CHFR: variants seen among roughly 807,000 people sequenced by gnomAD.
CHFR encodes the protein E3 ubiquitin-protein ligase CHFR.
A neutral mutation model predicts 87.6 loss-of-function variants in CHFR; 57 were observed. The observed-to-expected ratio is 0.65, with a 90% confidence interval of 0.53 to 0.81. The LOEUF (loss-of-function observed/expected upper bound fraction) is 0.81. Ranked by LOEUF, CHFR falls within the 30% of genes least tolerant of loss-of-function variation. CHFR has a pLI of 0.00. For missense variants in CHFR, 797 were observed against 865.8 expected, an observed-to-expected ratio of 0.92 and a Z score of 1.00; for synonymous variants, 381 against 359.2, an observed-to-expected ratio of 1.06 and a Z score of -0.69.
chr12:132,862,464 C>T (rs766434355), intron 6 of CHFR: 1 of 448,214 alleles, frequency 2.2e-6, no homozygotes, highest in Non-Finnish European at 4.5e-6. Flanking sequence ...ATTAACTAGG[C>T]GTGACAGTAC....
chr12:132,877,649 C>A lies in CHFR; in HGVS notation c.139G>T (p.Asp47Tyr), dbSNP rs1016169013. The A allele has an allele frequency of 6.2e-7, 1 of 1,610,582 alleles. No homozygotes were observed. The highest frequency in any genetic ancestry group is 1.3e-5 in the African/African-American group (1 of 74,826). ...EWTIGRRRGC[D>Y]LSFPSNKLVS... ...AGTTTATTGCTGGGGAAGGAAAGGT[C>A]GCAACCTAAAAAAGAGAGGGTGGGT... The change falls in exon 3 of 18, where the codon GAC (aspartate) becomes TAC (tyrosine). Residue 47 changes from aspartate to tyrosine, a missense_variant. Asp to Tyr is a radical substitution (Grantham distance 160, BLOSUM62 -3). This residue lies in a region of CHFR where 597 missense variants were observed against 601.2 expected (regional missense o/e 0.99). Coordinates refer to ENST00000450056, the MANE Select transcript of CHFR (RefSeq NM_001161346.2).
At chr12:132,866,583 AACACACC>A (rs1951345247) in intron 6 of CHFR, 2 of 83,506 alleles carry the variant, frequency 2.4e-5, no homozygotes, top group South Asian at 1.0e-3. Flanking sequence ...AGAATGTTAC[AACACACC>A]AGAAAGTTAC....
chr12:132,882,887 G>A (rs1236844148), intron 2 of CHFR: 1 of 151,912 alleles, frequency 6.6e-6, no homozygotes, highest in Non-Finnish European at 1.5e-5. Flanking sequence ...TTAAGTTTTT[G>A]TAGATACAGG....
chr12:132,843,227 G>A (rs528398581), intron 16 of CHFR, 144 bp from the exon 17 acceptor site: 38 of 729,538 alleles, frequency 5.2e-5, no homozygotes, highest in South Asian at 4.4e-4. Flanking sequence ...TCCTCGGACC[G>A]TTCTGAGATT....
chr12:132,867,959 TA>T (rs1566194452), intron 6 of CHFR: 1 of 147,356 alleles, frequency 6.8e-6, no homozygotes, highest in African/African-American at 2.6e-5. Context: ...CTAAGAAAAT[TA>T]AAAAAAAATA....
At chr12:132,859,327 T>C (rs997219029) in intron 7 of CHFR, 100 bp from the exon 8 acceptor site, 1 of 1,160,654 alleles carries the variant, frequency 8.6e-7, no homozygotes, top group African/African-American at 1.6e-5. Flanking sequence ...GTGTTCTAAC[T>C]GTCGTAACCG....
intron 15 of CHFR, 85 bp from the exon 16 acceptor site, chr12:132,844,219 C>T (rs1950761820): frequency 1.2e-6 from 1 of 833,600 alleles, no homozygotes; most frequent in Non-Finnish European, 2.0e-6. Context: ...GACTAACGCA[C>T]TGACCATAAA....
In CHFR at chr12:132,856,549, C is replaced by T. The variant is rs762961678; in HGVS notation, c.1148G>A (p.Arg383Lys). ...CCCTTCTTCATCAGAAAAAGACCGC[C>T]TGACTTTGGGCTGCAGCATGTCTTG... is the stretch of plus-strand genomic sequence containing the variant. ...ITQDMLQPKV[R>K]RSFSDEEGSS... is the part of the protein sequence containing the mutation. Residue 383 changes from arginine (R) to lysine (K), a missense_variant, in exon 10 of 18, where the codon AGG becomes AAG. By Grantham distance (26) the Arg-to-Lys change is conservative. Around this residue, in one of 2 missense-constraint regions of CHFR, gnomAD observed 597 missense variants for 601.2 expected, o/e 0.99. Transcript: ENST00000450056. 6.2e-7 allele frequency: 1 copy of T among 1,614,226 alleles called. No homozygotes were observed. Among genetic ancestry groups the T allele is most frequent in the South Asian group, 1.1e-5 (1 of 91,092 alleles).
intron 7 of CHFR, among the ~76,000 whole-genome samples, chr12:132,859,659 T>C (rs2136976050): frequency 6.6e-6 from 1 of 152,280 alleles, no homozygotes; most frequent in Non-Finnish European, 1.5e-5. Context: ...CCTCTTCTGG[T>C]GTTTTTATTT....
chr12:132,849,933 G>A (rs1406486534), intron 12 of CHFR: 1 of 151,884 alleles, frequency 6.6e-6, no homozygotes, highest in African/African-American at 2.4e-5. Flanking sequence ...TTGTCACCTT[G>A]GCTTTGTAGA....
intron 13 of CHFR, 167 bp downstream of exon 13, chr12:132,848,474 A>T (rs938590872): frequency 1.4e-6 from 1 of 694,018 alleles, no homozygotes; most frequent in Non-Finnish European, 2.5e-6. Flanking sequence ...GCTAACACGA[A>T]TTTGACACAC....
At chr12:132,848,430 C>G (rs1950872855) in intron 13 of CHFR, 3 of 700,604 alleles carry the variant, frequency 4.3e-6, no homozygotes, top group Admixed American at 4.8e-5. Flanking sequence ...CTGGGAGTAT[C>G]TCCCCTAATA....
In CHFR at chr12:132,848,669, G is replaced by C. The variant is rs1593452935; in HGVS notation, c.1548C>G (p.Gly516=). The change falls in exon 13 of 18, where the codon GGC becomes GGG. Residue 516 remains glycine (G), a synonymous_variant. Transcript: ENST00000450056. ...CHLYWGCTRT[G]CYGCLAPFCE... The stretch of plus-strand genomic sequence containing the variant: ...AAAACGGGGCCAGGCAGCCGTAGCA[G>C]CCGGTCCGGGTGCAGCCCCAGTACA... The C allele has an allele frequency of 1.9e-6, 3 of 1,596,338 alleles. No homozygotes were observed. The highest frequency in any genetic ancestry group is 4.5e-5 in the East Asian group (2 of 43,992).
At chr12:132,850,964 CAT>C (rs55826641) in intron 12 of CHFR, among the ~76,000 whole-genome samples, 30,287 of 134,488 alleles carry the variant, frequency 0.23, 3,392 homozygotes, top group Non-Finnish European at 0.3. Context: ...TATGTGTGTG[CAT>C]ATATATATAT....
intron 6 of CHFR, chr12:132,867,383 G>A (rs969802482): frequency 1.3e-5 from 2 of 152,218 alleles, no homozygotes; most frequent in South Asian, 4.1e-4. Context: ...GAGACAGAGG[G>A]AGCAGTCTTC....
intron 7 of CHFR, among the ~76,000 whole-genome samples, chr12:132,861,003 T>A (rs1360454601): frequency 2.0e-5 from 3 of 152,236 alleles, no homozygotes; most frequent in Non-Finnish European, 4.4e-5. Context: ...TCCGTCCACC[T>A]TGGCCTCCCA....
chr12:132,841,524 T>C lies in CHFR; in HGVS notation c.*30A>G. 6.3e-7 allele frequency: 1 copy of C among 1,589,468 alleles called. No homozygotes were observed. The highest frequency in any genetic ancestry group is 8.6e-7 in the Non-Finnish European group (1 of 1,157,542). On this transcript the variant is annotated 3_prime_UTR_variant, in exon 18 of 18. Coordinates refer to ENST00000450056, the MANE Select transcript of CHFR (RefSeq NM_001161346.2). ...AAAAACACGCTCTCTTCACCTCCAGTGCTGAAAGCTGCTCAGGGCCTCTGG... is the reference window on the plus strand; with the variant it reads ...AAAAACACGCTCTCTTCACCTCCAGCGCTGAAAGCTGCTCAGGGCCTCTGG...
chr12:132,881,093 C>T (rs1294082640), intron 2 of CHFR, among the ~76,000 whole-genome samples: 1 of 152,042 alleles, frequency 6.6e-6, no homozygotes, highest in Admixed American at 6.6e-5. Flanking sequence ...AGGATGAGAC[C>T]CCATCTCGAC....
At chr12:132,874,270 G>A (rs1156701004) in intron 3 of CHFR, among the ~76,000 whole-genome samples, 4 of 152,410 alleles carry the variant, frequency 2.6e-5, no homozygotes, top group Admixed American at 2.0e-4. Context: ...TCAGCACAGG[G>A]ATGCCATGCC....
Sources: allele counts gnomAD v4.1 joint callset (sites outside exome capture counted in the v4.1 genomes callset), GRCh38; gene constraint gnomAD v4.1.1; regional missense constraint gnomAD v4.1.1; transcripts MANE v1.5; gene names NCBI Gene and HGNC (gene_info 2026-07-23, HGNC 2026-07-21).